TCF4: variants seen among roughly 807,000 people sequenced by gnomAD.
TCF4 encodes SL3-3 enhancer factor 2.
In TCF4, 3 loss-of-function variants were observed where a neutral mutation model predicts 82.1. The ratio of observed to expected loss-of-function variants is 0.04; its 90% CI spans 0.02 to 0.09. The LOEUF (loss-of-function observed/expected upper bound fraction) is 0.09. Ranked by LOEUF, TCF4 falls within the 10% of genes least tolerant of loss-of-function variation. The pLI is 1.00. For missense variants in TCF4, 518 were observed against 852.7 expected, an observed-to-expected ratio of 0.61 and a Z score of 4.89; for synonymous variants, 276 against 309.6, an observed-to-expected ratio of 0.89 and a Z score of 1.14.
At chr18:55,372,831 C>G (rs2089677060) in intron 6 of TCF4, among the ~76,000 whole-genome samples, 1 of 152,044 alleles carries the variant, frequency 6.6e-6, no homozygotes, top group Admixed American at 6.6e-5. Context: ...TAAAAATGTG[C>G]TAACACTCTC....
intron 2 of TCF4, among the ~76,000 whole-genome samples, chr18:55,604,430 CTG>C (rs1241284055): frequency 6.6e-6 from 1 of 152,038 alleles, no homozygotes; most frequent in Non-Finnish European, 1.5e-5. Context: ...GCTGTGCCTT[CTG>C]TTGGAAAGTT....
intron 11 of TCF4, chr18:55,264,476 A>G (rs188842489): frequency 1.3e-5 from 2 of 152,284 alleles, no homozygotes; most frequent in Admixed American, 1.3e-4. Context: ...GATTGCCTGA[A>G]CATGTTAAGC....
intron 5 of TCF4, among the ~76,000 whole-genome samples, chr18:55,448,029 CAAGT>C (rs2095556904): frequency 1.3e-5 from 2 of 151,964 alleles, no homozygotes. Context: ...GCTTCTTTGA[CAAGT>C]AAACTGTATC....
Position 55,234,628 on chromosome 18 carries a change from G to C in TCF4, c.1406C>G (p.Pro469Arg). The part of the protein sequence containing the change: ...VALRGSHSLL[P>R]NQVPVPQLPV... ...AAGCTGTGGAACCGGAACCTGGTTT[G>C]GCAGAAGAGAATGGCTGCCTCTCAG... The change falls in exon 16 of 20, where the codon CCA (proline) becomes CGA (arginine). Residue 469 changes from proline to arginine, a missense_variant. Transcript: ENST00000354452. 1 of 1,614,136 alleles carries C rather than the reference G, an allele frequency of 6.2e-7. No homozygotes were observed. The highest frequency in any genetic ancestry group is 1.1e-5 in the South Asian group (1 of 91,086).
At chr18:55,605,201 G>A (rs998871775) in intron 2 of TCF4, among the ~76,000 whole-genome samples, 1 of 152,170 alleles carries the variant, frequency 6.6e-6, no homozygotes, top group African/African-American at 2.4e-5. Context: ...CACAGCATGT[G>A]GCCTAGACTG....
chr18:55,605,532 G>A (rs2097701462), intron 2 of TCF4, among the ~76,000 whole-genome samples: 1 of 152,146 alleles, frequency 6.6e-6, no homozygotes, highest in Non-Finnish European at 1.5e-5. Flanking sequence ...TATGTTTTGG[G>A]GGAAGGAGGT....
chr18:55,426,449 C>T (rs1174278138), intron 5 of TCF4, among the ~76,000 whole-genome samples: 5 of 152,176 alleles, frequency 3.3e-5, no homozygotes, highest in Non-Finnish European at 2.9e-5. Context: ...GGCAAGCACA[C>T]CCTCTAGGCT....
At position 55,600,020 on chromosome 18, in the gene TCF4, T is replaced by C. The variant is rs569175397; in HGVS notation, c.287-12884A>G. On this transcript the variant is annotated intron_variant, in intron 2 of 20. Transcript: ENST00000398339. Reference sequence around the variant, plus strand: ...CTGTCACTCATTGTATCTGTGAGATTTGTCCATGTGGTTGCCTGTAGGAGA... The same window carrying C: ...CTGTCACTCATTGTATCTGTGAGATCTGTCCATGTGGTTGCCTGTAGGAGA... Among the ~76,000 whole-genome samples the C allele has an allele frequency of 6.5e-4, 99 of 152,300 alleles. 1 individual carries two copies. Among genetic ancestry groups the C allele is most frequent in the Non-Finnish European group, 1.2e-3 (83 of 68,020 alleles).
chr18:55,548,196 T>C (rs1038853879), intron 3 of TCF4, among the ~76,000 whole-genome samples: 2 of 152,234 alleles, frequency 1.3e-5, no homozygotes, highest in African/African-American at 2.4e-5. Context: ...ACATGTGGAT[T>C]TACTGCTTTG....
intron 6 of TCF4, among the ~76,000 whole-genome samples, chr18:55,381,924 T>TA (rs200123796): frequency 0.013 from 1,718 of 137,384 alleles, 29 homozygotes; most frequent in African/African-American, 0.044. Context: ...TTTTTTTTTT[T>TA]TAAAAAAGGA....
At chr18:55,406,607 T>C (rs1353008023) in intron 5 of TCF4, among the ~76,000 whole-genome samples, 1 of 152,180 alleles carries the variant, frequency 6.6e-6, no homozygotes, top group Non-Finnish European at 1.5e-5. Flanking sequence ...TAAGTAACTA[T>C]CTGTGCTCAT....
At chr18:55,459,935 A>G (rs2095841850) in intron 5 of TCF4, among the ~76,000 whole-genome samples, 1 of 152,186 alleles carries the variant, frequency 6.6e-6, no homozygotes, top group Non-Finnish European at 1.5e-5. Context: ...GCTAGTATTT[A>G]TCTGCTTTGA....
At chr18:55,332,370 A>G (rs2077749579) in intron 8 of TCF4, 1 of 152,190 alleles carries the variant, frequency 6.6e-6, no homozygotes, top group African/African-American at 2.4e-5. Context: ...TAACAGAAAT[A>G]TATGTTCATA....
intron 2 of TCF4, among the ~76,000 whole-genome samples, chr18:55,609,329 G>C (rs913833271): frequency 6.6e-6 from 1 of 152,178 alleles, no homozygotes; most frequent in Non-Finnish European, 1.5e-5. Context: ...ACGGGGGGCA[G>C]GTTTTTCATG....
At chr18:55,353,639 A>G (rs1022972044) in intron 6 of TCF4, among the ~76,000 whole-genome samples, 1 of 152,220 alleles carries the variant, frequency 6.6e-6, no homozygotes, top group African/African-American at 2.4e-5. Context: ...AAAGCGAACA[A>G]TGACCATTTA....
chr18:55,398,285 G>A (rs1234626756), intron 6 of TCF4, among the ~76,000 whole-genome samples: 1 of 152,178 alleles, frequency 6.6e-6, no homozygotes, highest in Admixed American at 6.5e-5. Flanking sequence ...ACACAGCTGC[G>A]ATGACATATA....
chr18:55,560,671 T>C (rs1568401255), intron 3 of TCF4, among the ~76,000 whole-genome samples: 1 of 152,186 alleles, frequency 6.6e-6, no homozygotes, highest in Admixed American at 6.5e-5. Flanking sequence ...AATAACAGTA[T>C]GGCACAATCT....
chr18:55,338,214 C>G (rs2079064259), intron 8 of TCF4, among the ~76,000 whole-genome samples: 1 of 152,276 alleles, frequency 6.6e-6, no homozygotes, highest in African/African-American at 2.4e-5. Flanking sequence ...CGTGCGACGA[C>G]AAGCAGTCTG....
intron 2 of TCF4, among the ~76,000 whole-genome samples, chr18:55,619,452 A>C (rs1198442786): frequency 6.6e-6 from 1 of 152,088 alleles, no homozygotes; most frequent in African/African-American, 2.4e-5. Context: ...TATTTTGGAT[A>C]GTTTCTATTT....
Sources: allele counts gnomAD v4.1 joint callset (sites outside exome capture counted in the v4.1 genomes callset), GRCh38; gene constraint gnomAD v4.1.1; transcripts MANE v1.5; gene names NCBI Gene and HGNC (gene_info 2026-07-23, HGNC 2026-07-21).